CSMD1: variants seen among roughly 807,000 people sequenced by gnomAD.
CSMD1 encodes the protein CUB and sushi domain-containing protein 1.
A neutral mutation model predicts 417.5 loss-of-function variants in CSMD1; 213 were observed. The observed-to-expected ratio is 0.51, with a 90% CI of 0.46 to 0.57. CSMD1 has a LOEUF of 0.57. Ranked by LOEUF, CSMD1 falls within the 20% of genes least tolerant of loss-of-function variation. The pLI, the probability that CSMD1 is intolerant of heterozygous loss-of-function variation, is 0.00. For missense variants in CSMD1, 6,923 were observed against 4,529.7 expected (o/e 1.53, Z -15.17); for synonymous variants, 2,862 against 1,736.8 (o/e 1.65, Z -16.11).
intron 4 of CSMD1, among the ~76,000 whole-genome samples, chr8:4,026,915 C>G (rs931917987): frequency 1.4e-5 from 2 of 147,996 alleles, no homozygotes; most frequent in African/African-American, 5.2e-5. Flanking sequence ...TCTTTAAAAA[C>G]CAACCAAACA....
At chr8:3,814,683 T>C (rs963881768) in intron 5 of CSMD1, among the ~76,000 whole-genome samples, 3 of 152,162 alleles carry the variant, frequency 2.0e-5, no homozygotes, top group African/African-American at 4.8e-5. Context: ...GATGGAGACA[T>C]TAGCTTAGCC....
intron 52 of CSMD1, among the ~76,000 whole-genome samples, chr8:3,007,993 G>C (rs915535907): frequency 4.6e-5 from 7 of 152,046 alleles, no homozygotes; most frequent in African/African-American, 1.7e-4. Context: ...ATTATATTTT[G>C]CTTAAAATGT....
intron 3 of CSMD1, among the ~76,000 whole-genome samples, chr8:4,381,893 A>G (rs1016090270): frequency 2.0e-5 from 3 of 152,016 alleles, no homozygotes; most frequent in Non-Finnish European, 4.4e-5. Flanking sequence ...TCCCTGCTAT[A>G]CAGTGATCAA....
At chr8:3,319,483 C>G (rs1806003426) in intron 23 of CSMD1, among the ~76,000 whole-genome samples, 1 of 152,066 alleles carries the variant, frequency 6.6e-6, no homozygotes, top group Non-Finnish European at 1.5e-5. Flanking sequence ...AAAAAGGTGG[C>G]AAGTAAAAGA....
At chr8:4,217,842 G>C (rs979878677) in intron 3 of CSMD1, among the ~76,000 whole-genome samples, 1 of 152,094 alleles carries the variant, frequency 6.6e-6, no homozygotes, top group Non-Finnish European at 1.5e-5. Context: ...AATGCAAAAA[G>C]AAAATGTGAA....
At chr8:3,823,054 G>A (rs187015277) in intron 5 of CSMD1, among the ~76,000 whole-genome samples, 1 of 152,070 alleles carries the variant, frequency 6.6e-6, no homozygotes, top group African/African-American at 2.4e-5. Context: ...TGATTTCTAT[G>A]GTTCCGGAAG....
intron 1 of CSMD1, among the ~76,000 whole-genome samples, chr8:4,698,466 C>G (rs1410011781): frequency 6.6e-6 from 1 of 152,116 alleles, no homozygotes; most frequent in Non-Finnish European, 1.5e-5. Flanking sequence ...CTTATGTTCT[C>G]ATAAGGCAGT....
intron 3 of CSMD1, among the ~76,000 whole-genome samples, chr8:4,221,364 T>C (rs369397053): frequency 1.5e-5 from 2 of 134,882 alleles, no homozygotes; most frequent in Non-Finnish European, 3.1e-5. Context: ...AGCCCATCTC[T>C]ACAAGGAAAG....
At chr8:4,005,434 G>A (rs2130392825) in intron 4 of CSMD1, among the ~76,000 whole-genome samples, 1 of 152,314 alleles carries the variant, frequency 6.6e-6, no homozygotes, top group Non-Finnish European at 1.5e-5. Flanking sequence ...ACAGACAAGT[G>A]CTTTGCAGGG....
At chr8:4,751,969 C>T (rs930129025) in intron 1 of CSMD1, among the ~76,000 whole-genome samples, 1 of 152,064 alleles carries the variant, frequency 6.6e-6, no homozygotes, top group East Asian at 1.9e-4. Context: ...AGAATATATA[C>T]ATATACACGA....
intron 3 of CSMD1, among the ~76,000 whole-genome samples, chr8:4,276,542 G>T: frequency 6.6e-6 from 1 of 152,124 alleles, no homozygotes; most frequent in Middle Eastern, 3.4e-3. Flanking sequence ...GTTTAACTAC[G>T]TAACAAACCT....
intron 2 of CSMD1, among the ~76,000 whole-genome samples, chr8:4,547,456 G>T (rs1309056067): frequency 1.3e-5 from 2 of 152,124 alleles, no homozygotes; most frequent in Admixed American, 6.5e-5. Flanking sequence ...AAGAAAAAAA[G>T]AAACTTTCAT....
At chr8:4,322,216 A>G (rs923841677) in intron 3 of CSMD1, among the ~76,000 whole-genome samples, 2 of 152,220 alleles carry the variant, frequency 1.3e-5, no homozygotes, top group Non-Finnish European at 2.9e-5. Context: ...TTCCATATAG[A>G]TAATTCACAT....
At chr8:3,796,949 G>C (rs1190993564) in intron 5 of CSMD1, among the ~76,000 whole-genome samples, 1 of 151,662 alleles carries the variant, frequency 6.6e-6, no homozygotes, top group African/African-American at 2.4e-5. Flanking sequence ...ATGTAATGAA[G>C]ATGAAGTATA....
Position 3,181,165 on chromosome 8 carries a change from C to T in CSMD1, c.5670G>A (p.Leu1890=), listed in dbSNP as rs752346576. ...CCACACTAATGTCAGACTGGAAATG[C>T]AGGTAGAGTTGGTTGGAAGTACTGT... ...LLNSTSNQLY[L]HFQSDISVAA... The change falls in exon 37 of 70, where the codon CTG becomes CTA. Residue 1890 remains leucine (L), a synonymous_variant. Transcript: ENST00000635120. 1.2e-6 allele frequency: 2 copies of T among 1,613,762 alleles called. No homozygotes were observed. Among genetic ancestry groups the T allele is most frequent in the East Asian group, 2.2e-5 (1 of 44,888 alleles).
chr8:4,260,904 C>T (rs150300315), intron 3 of CSMD1, among the ~76,000 whole-genome samples: 226 of 152,274 alleles, frequency 1.5e-3, no homozygotes, highest in African/African-American at 5.2e-3. Context: ...ATGATAGGAA[C>T]ACCACGGTTA....
At chr8:4,647,980 G>A (rs1803644295) in intron 1 of CSMD1, among the ~76,000 whole-genome samples, 1 of 152,184 alleles carries the variant, frequency 6.6e-6, no homozygotes, top group Non-Finnish European at 1.5e-5. Flanking sequence ...AGATCCTTGA[G>A]GAACTGCCAC....
At chr8:4,180,386 A>G (rs1316286355) in intron 3 of CSMD1, among the ~76,000 whole-genome samples, 7 of 138,664 alleles carry the variant, frequency 5.0e-5, no homozygotes, top group Admixed American at 1.6e-4. Context: ...ATGAGAACAC[A>G]TGGACACAGG....
At chr8:4,620,793 AAG>A (rs901100147) in intron 2 of CSMD1, among the ~76,000 whole-genome samples, 2 of 151,958 alleles carry the variant, frequency 1.3e-5, no homozygotes, top group Non-Finnish European at 2.9e-5. Flanking sequence ...ATTTATAAAA[AAG>A]AGAGAGCCAA....
Sources: gnomAD v4.1 joint callset for allele counts (sites outside exome capture counted in the v4.1 genomes callset) on GRCh38, gnomAD v4.1.1 for gene constraint, MANE v1.5 for transcripts, NCBI Gene and HGNC (gene_info 2026-07-23, HGNC 2026-07-21) for gene names.